The following BUB3 variants were observed in gnomAD, a reference collection of about 807,000 sequenced individuals.
BUB3 encodes BUB3 mitotic checkpoint protein.
In BUB3, 22 loss-of-function variants were observed where a neutral mutation model predicts 39.9. The ratio of observed to expected loss-of-function variants is 0.55; its 90% CI spans 0.39 to 0.79. The LOEUF (loss-of-function observed/expected upper bound fraction) is 0.79, where lower values mean the gene tolerates loss of function less well. Ranked by LOEUF, BUB3 falls within the 30% of genes least tolerant of loss-of-function variation. BUB3 has a pLI of 0.00. For missense variants in BUB3, 303 were observed against 415.4 expected (o/e 0.73, Z 2.35); for synonymous variants, 168 against 155.1 (o/e 1.08, Z -0.62).
Position 123,162,761 on chromosome 10 carries a change from G to T in BUB3, c.904G>T (p.Asp302Tyr), listed in dbSNP as rs745672644. 6.2e-7 allele frequency: 1 copy of T among 1,613,980 alleles called. No homozygotes were observed. The highest frequency in any genetic ancestry group is 1.1e-5 in the South Asian group (1 of 91,032). Residue 302 changes from aspartate to tyrosine, a missense_variant, in exon 7 of 8, where the codon GAT becomes TAT. Around this residue, in one of 2 missense-constraint regions of BUB3, gnomAD observed 182 missense variants for 293.1 expected, o/e 0.62. Transcript: ENST00000368865. Reference protein sequence around the residue: ...AIASSYMYEMDDTEHPEDGIF... With the variant: ...AIASSYMYEMYDTEHPEDGIF... ...AGCGTCATCATATATGTATGAAATGGATGACACAGAACATCCTGAAGATGG... is the reference window on the plus strand; with the variant it reads ...AGCGTCATCATATATGTATGAAATGTATGACACAGAACATCCTGAAGATGG...
Position 123,157,791 on chromosome 10 carries a change from G to A in BUB3, c.328G>A (p.Val110Met), listed in dbSNP as rs146410251. Reference protein sequence around the residue: ...RCVEYCPEVNVMVTGSWDQTV... With the variant: ...RCVEYCPEVNMMVTGSWDQTV... The stretch of plus-strand genomic sequence containing the variant: ...TGTTGAATACTGTCCAGAAGTGAAT[G>A]TGATGGTCACTGGAAGTTGGGATCA... The change falls in exon 4 of 8, where the codon GTG (valine) becomes ATG (methionine). Residue 110 changes from valine to methionine, a missense_variant. Transcript: ENST00000368865. The A allele has an allele frequency of 1.2e-6, 2 of 1,613,918 alleles. No individual in the cohort carries two copies. The highest frequency in any genetic ancestry group is 1.7e-6 in the Non-Finnish European group (2 of 1,179,972).
At position 123,157,722 on chromosome 10, in the gene BUB3, T is replaced by C. The variant is rs2304550; in HGVS notation, c.266-7T>C. 0.14 allele frequency: 223,998 copies of C among 1,555,248 alleles called. 18,803 individuals carry two copies. Among genetic ancestry groups the C allele is most frequent in the East Asian group, 0.35 (15,334 of 43,340 alleles). On this transcript the variant is annotated splice_region_variant and splice_polypyrimidine_tract_variant and intron_variant, in intron 3 of 7. Transcript: ENST00000368865. ...TGGGGTTTTTTCCCCTTTTTTTTTC[T>C]CTATAGAAAATCTTGTTGGGACCCA...
rs752847658 is a variant in BUB3 at position 123,154,993 on chromosome 10, A to G, written c.76A>G (p.Thr26Ala). 1.1e-5 allele frequency: 18 copies of G among 1,613,470 alleles called. No homozygotes were observed. Among genetic ancestry groups the G allele is most frequent in the Admixed American group, 1.7e-5 (1 of 59,946 alleles). ...GISSVKFSPN[T>A]SQFLLVSSWD... Reference sequence around the variant, plus strand: ...CTCCTCCGTGAAGTTCAGCCCCAACACCTCCCAGTTCCTGCTTGTCTCCTC... The same window carrying G: ...CTCCTCCGTGAAGTTCAGCCCCAACGCCTCCCAGTTCCTGCTTGTCTCCTC... Residue 26 changes from threonine (T) to alanine (A), a missense_variant, in exon 2 of 8, where the codon ACC becomes GCC. Physicochemically the swap from Thr to Ala is moderately conservative, Grantham distance 58. Around this residue, in one of 2 missense-constraint regions of BUB3, gnomAD observed 121 missense variants for 122.3 expected, o/e 0.99. Transcript: ENST00000368865.
At chr10:123,157,471 T>G (rs1392901679) in intron 3 of BUB3, among the ~76,000 whole-genome samples, 1 of 152,226 alleles carries the variant, frequency 6.6e-6, no homozygotes, top group Non-Finnish European at 1.5e-5. Flanking sequence ...TAATGTAATC[T>G]GAAATTCAAG....
At chr10:123,163,712 C>T (rs1844452913) in intron 7 of BUB3, 108 bp from the exon 8 acceptor site, 1 of 946,488 alleles carries the variant, frequency 1.1e-6, no homozygotes, top group African/African-American at 1.7e-5. Flanking sequence ...GCATGTGAAG[C>T]CTGTTGGATA....
intron 4 of BUB3, among the ~76,000 whole-genome samples, chr10:123,158,618 A>G (rs1003718925): frequency 6.6e-6 from 1 of 152,212 alleles, no homozygotes; most frequent in Non-Finnish European, 1.5e-5. Flanking sequence ...CCTGTTAGCC[A>G]TCATTATTTA....
rs1844476886 is a variant in BUB3 at position 123,165,353 on chromosome 10, C to T, written c.*1518C>T. ...TATTTCTGTGCTAATAAACGAGATG[C>T]AGAACCCTTGAATGTTGGATGTTTT... is the stretch of plus-strand genomic sequence containing the variant. On this transcript the variant is annotated 3_prime_UTR_variant, in exon 8 of 8. Coordinates refer to ENST00000368865, the MANE Select transcript of BUB3 (RefSeq NM_004725.4). 1 of 300,400 alleles carries T rather than the reference C, an allele frequency of 3.3e-6. No individual in the cohort carries two copies. Among genetic ancestry groups the T allele is most frequent in the East Asian group, 5.4e-5 (1 of 18,654 alleles). The allele number at this position is 300,400 out of a possible 1,614,324, so 18.6% of individuals were successfully genotyped here.
chr10:123,156,919 T>C (rs567368637), intron 3 of BUB3, among the ~76,000 whole-genome samples: 53 of 152,136 alleles, frequency 3.5e-4, no homozygotes, highest in Middle Eastern at 3.4e-3. Context: ...AATTTTTGTA[T>C]TTTTTAGTAG....
rs1432923364 is a variant in BUB3 at position 123,167,399 on chromosome 10, C to T, written c.*3564C>T. The T allele has an allele frequency of 1.3e-5, 2 of 152,108 alleles. No individual in the cohort carries two copies. Among genetic ancestry groups the T allele is most frequent in the Admixed American group, 6.5e-5 (1 of 15,272 alleles). 9.4% of individuals were successfully genotyped at this position (152,108 alleles called of 1,614,324 possible). ...AATAAGTGTGCCCTTTCTCAAAACA[C>T]GTATGAAACACCTCCTGCTTGTATA... On this transcript the variant is annotated 3_prime_UTR_variant, in exon 8 of 8. Transcript: ENST00000368865.
rs1438139774 is a variant in BUB3 at position 123,168,108 on chromosome 10, A to G, written c.*4273A>G. The stretch of plus-strand genomic sequence containing the variant: ...TGAGCCACCCCACCCGGCCTATGTC[A>G]TTTTTTTATGTGGTGAGAATAAATA... On this transcript the variant is annotated 3_prime_UTR_variant, in exon 8 of 8. Coordinates refer to ENST00000368865, the MANE Select transcript of BUB3 (RefSeq NM_004725.4). 2 of 152,032 alleles carry G rather than the reference A, an allele frequency of 1.3e-5. No homozygotes were observed. The highest frequency in any genetic ancestry group is 6.5e-5 in the Admixed American group (1 of 15,268). The allele number at this position is 152,032 out of a possible 1,614,324, so 9.4% of individuals were successfully genotyped here. A position where few individuals can be genotyped will look rare whatever the true frequency, so the allele number is the denominator to read the frequency against.
intron 5 of BUB3, 79 bp downstream of exon 5, chr10:123,160,644 C>A: frequency 7.8e-7 from 1 of 1,279,198 alleles, no homozygotes; most frequent in Non-Finnish European, 1.0e-6. Context: ...GCCACTAGCC[C>A]CTAAAGCCTT....
chr10:123,159,204 A>C (rs1844387790), intron 4 of BUB3, among the ~76,000 whole-genome samples: 2 of 152,100 alleles, frequency 1.3e-5, no homozygotes, highest in African/African-American at 4.8e-5. Flanking sequence ...TCCCTTGGTC[A>C]CATTAATTGT....
rs1375711204 is a variant in BUB3 at position 123,162,415 on chromosome 10, T to TA, written c.754+5dup. ...ATATCCACAATACATTTGCCACAGG[T>TA]AAAGTATGGCATGCTGACCTATATT... On this transcript the variant is annotated splice_region_variant and intron_variant, in intron 6 of 7. Transcript: ENST00000368865. The TA allele has an allele frequency of 6.2e-7, 1 of 1,613,098 alleles. No homozygotes were observed. The highest frequency in any genetic ancestry group is 1.7e-5 in the Admixed American group (1 of 59,922).
intron 7 of BUB3, among the ~76,000 whole-genome samples, 190 bp from the exon 8 acceptor site, chr10:123,163,630 C>T (rs560462493): frequency 6.6e-6 from 1 of 152,170 alleles, no homozygotes; most frequent in Non-Finnish European, 1.5e-5. Flanking sequence ...GGTTGAGCCC[C>T]TAAGAGGGGG....
At position 123,168,361 on chromosome 10, in the gene BUB3, G is replaced by A. The variant is rs911400113; in HGVS notation, c.*4526G>A. On this transcript the variant is annotated 3_prime_UTR_variant, in exon 8 of 8. Transcript: ENST00000368865. ...AAATTTAAAGATGTTATTTGGGATG[G>A]TGTGACTTGCACAAGCCACACAGCC... 5 of 152,094 alleles carry A rather than the reference G, an allele frequency of 3.3e-5. No individual in the cohort carries two copies. The highest frequency in any genetic ancestry group is 9.7e-5 in the African/African-American group (4 of 41,414). 9.4% of individuals were successfully genotyped at this position (152,094 alleles called of 1,614,324 possible). A position where few individuals can be genotyped will look rare whatever the true frequency, so the allele number is the denominator to read the frequency against.
Position 123,166,150 on chromosome 10 carries a change from C to G in BUB3, c.*2315C>G, listed in dbSNP as rs1844490223. The stretch of plus-strand genomic sequence containing the variant: ...TATAGCTACCTTTTCCCCAAGTTAC[C>G]CAGGTGTAGTTACCTTGGCCTTCTC... On this transcript the variant is annotated 3_prime_UTR_variant, in exon 8 of 8. Transcript: ENST00000368865. 1.3e-5 allele frequency: 2 copies of G among 152,138 alleles called. No individual in the cohort carries two copies. The highest frequency in any genetic ancestry group is 4.8e-5 in the African/African-American group (2 of 41,402). 9.4% of individuals were successfully genotyped at this position (152,138 alleles called of 1,614,324 possible). A position where few individuals can be genotyped will look rare whatever the true frequency, so the allele number is the denominator to read the frequency against.
At chr10:123,156,801 C>A (rs1053425323) in intron 3 of BUB3, among the ~76,000 whole-genome samples, 1 of 145,464 alleles carries the variant, frequency 6.9e-6, no homozygotes, top group Non-Finnish European at 1.5e-5. Context: ...GGCTGGAGTG[C>A]AGTGGTGTGA....
chr10:123,157,160 A>T (rs1019657199), intron 3 of BUB3, among the ~76,000 whole-genome samples: 1 of 152,230 alleles, frequency 6.6e-6, no homozygotes, highest in Admixed American at 6.5e-5. Context: ...GAAAATGTCT[A>T]TTGAAAATTT....
chr10:123,158,401 C>A (rs1403111009), intron 4 of BUB3, among the ~76,000 whole-genome samples: 1 of 152,148 alleles, frequency 6.6e-6, no homozygotes, highest in South Asian at 2.1e-4. Context: ...TTTCAAGGCA[C>A]CTTAGTGAAC....
Sources: allele counts gnomAD v4.1 joint callset (sites outside exome capture counted in the v4.1 genomes callset), GRCh38; gene constraint gnomAD v4.1.1; regional missense constraint gnomAD v4.1.1; transcripts MANE v1.5; gene names NCBI Gene and HGNC (gene_info 2026-07-23, HGNC 2026-07-21).